The following ZNF385C variants were observed in gnomAD, a reference collection of about 807,000 sequenced individuals.
The protein encoded by ZNF385C is zinc finger protein 385C, also known as CTD-2132N18.2.
A neutral mutation model predicts 35.4 loss-of-function variants in ZNF385C; 28 were observed. The ratio of observed to expected loss-of-function variants is 0.79; its 90% CI spans 0.59 to 1.08. The LOEUF is 1.08. Ranked by LOEUF, ZNF385C falls within the 50% of genes least tolerant of loss-of-function variation. ZNF385C has a pLI of 0.00. For synonymous variants in ZNF385C, 248 were observed against 248.2 expected, an observed-to-expected ratio of 1.00 and a Z score of 0.01; for missense variants, 605 against 595.6, an observed-to-expected ratio of 1.02 and a Z score of -0.16.
In ZNF385C at chr17:42,027,858, C is replaced by T. The variant is rs116660545; in HGVS notation, c.1165-130G>A. 1.8e-3 allele frequency: 2,160 copies of T among 1,233,380 alleles called. 36 individuals are homozygous for T. In the African/African-American group the frequency reaches 0.03, roughly 17 times the overall value. The allele number at this position is 1,233,380 out of a possible 1,614,324, so 76.4% of individuals were successfully genotyped here. On this transcript the variant is annotated intron_variant, in intron 7 of 8. Coordinates refer to ENST00000692273, the MANE Select transcript of ZNF385C (RefSeq NM_001392013.1). ...AAAGCACACAGACTGGGTCCTCACC[C>T]TGGGGTAGGCCCTGGGAAGGGGAGG...
chr17:42,043,286 ACTCCT>A (rs1484704200), intron 2 of ZNF385C: 2 of 1,231,990 alleles, frequency 1.6e-6, no homozygotes, highest in Non-Finnish European at 2.0e-6. Context: ...AGCCAGGTAA[ACTCCT>A]CTTTCCAGTG....
chr17:42,058,037 A>C (rs2053407682), intron 2 of ZNF385C, among the ~76,000 whole-genome samples: 1 of 151,978 alleles, frequency 6.6e-6, no homozygotes, highest in Admixed American at 6.6e-5. Flanking sequence ...GAGGGAGACG[A>C]AGTGTGGGTT....
chr17:42,082,342 C>G (rs1264708915), intron 1 of ZNF385C, among the ~76,000 whole-genome samples: 1 of 152,232 alleles, frequency 6.6e-6, no homozygotes, highest in African/African-American at 2.4e-5. Context: ...CCGACCTCTT[C>G]CCAGAGATTC....
chr17:42,092,989 G>A (rs1176402005), intron 1 of ZNF385C, among the ~76,000 whole-genome samples: 1 of 152,224 alleles, frequency 6.6e-6, no homozygotes, highest in African/African-American at 2.4e-5. Flanking sequence ...TCTAGCCTGG[G>A]CATCTAAAGT....
chr17:42,085,484 C>A (rs2053796609), intron 1 of ZNF385C, among the ~76,000 whole-genome samples: 1 of 150,568 alleles, frequency 6.6e-6, no homozygotes, highest in Non-Finnish European at 1.5e-5. Context: ...CAGGGTTTCG[C>A]CATGTTGCCC....
At chr17:42,056,810 A>G (rs2053382985) in intron 2 of ZNF385C, among the ~76,000 whole-genome samples, 3 of 152,130 alleles carry the variant, frequency 2.0e-5, no homozygotes, top group Non-Finnish European at 2.9e-5. Flanking sequence ...CCACCATGTG[A>G]GACGTGCCTT....
At chr17:42,096,794 CGGGGGG>C (rs2053921886) in intron 1 of ZNF385C, among the ~76,000 whole-genome samples, 1 of 151,634 alleles carries the variant, frequency 6.6e-6, no homozygotes, top group Admixed American at 6.6e-5. Context: ...TGGGCGGGGG[CGGGGGG>C]ACTCTCTCCC....
chr17:42,072,034 G>A (rs1444917363), intron 1 of ZNF385C, among the ~76,000 whole-genome samples: 1 of 152,158 alleles, frequency 6.6e-6, no homozygotes, highest in Non-Finnish European at 1.5e-5. Flanking sequence ...GGAAGGGGCG[G>A]GACAGGAAGT....
intron 1 of ZNF385C, among the ~76,000 whole-genome samples, chr17:42,073,698 G>A (rs2053655662): frequency 6.6e-6 from 1 of 152,230 alleles, no homozygotes; most frequent in Admixed American, 6.5e-5. Flanking sequence ...GCAGGGGCTG[G>A]TGGCACGACC....
At chr17:42,033,768 A>AG (rs2052780560) in intron 4 of ZNF385C, among the ~76,000 whole-genome samples, 1 of 151,942 alleles carries the variant, frequency 6.6e-6, no homozygotes, top group African/African-American at 2.4e-5. Flanking sequence ...ACAAAACAAA[A>AG]CAAAAAAATC....
In ZNF385C at chr17:42,037,901, G is replaced by C. The variant is rs1477237720; in HGVS notation, c.251-16C>G. The C allele has an allele frequency of 2.6e-6, 4 of 1,537,026 alleles. No homozygotes were observed. The South Asian group carries it at 3.6e-5, about 14-fold the overall frequency. ...GCCGGGCCTGCTGCAGGAGGAAGAA[G>C]GGCAGGGTCTGAAATGGGCTCTGTC... On this transcript the variant is annotated splice_polypyrimidine_tract_variant and intron_variant, in intron 2 of 8. Transcript: ENST00000692273.
intron 2 of ZNF385C, among the ~76,000 whole-genome samples, chr17:42,055,655 G>A (rs967597547): frequency 4.6e-5 from 7 of 152,176 alleles, no homozygotes; most frequent in Non-Finnish European, 8.8e-5. Context: ...GGGAGATACC[G>A]AAGGATGGGA....
intron 2 of ZNF385C, chr17:42,042,843 C>A: frequency 8.1e-7 from 1 of 1,232,296 alleles, no homozygotes; most frequent in South Asian, 4.1e-5. Flanking sequence ...CCTGCATGTC[C>A]CTCACCCTCC....
At chr17:42,085,203 A>G (rs2053793837) in intron 1 of ZNF385C, among the ~76,000 whole-genome samples, 1 of 152,114 alleles carries the variant, frequency 6.6e-6, no homozygotes. Context: ...AAGCCAAGGC[A>G]GAAGGATTGC....
At chr17:42,049,186 G>A (rs1273766442) in intron 2 of ZNF385C, among the ~76,000 whole-genome samples, 4 of 152,098 alleles carry the variant, frequency 2.6e-5, no homozygotes, top group Non-Finnish European at 5.9e-5. Context: ...ATTCCCAGCT[G>A]CCCTCCCAAT....
intron 2 of ZNF385C, chr17:42,039,812 T>C: frequency 1.4e-5 from 17 of 1,231,196 alleles, no homozygotes; most frequent in Non-Finnish European, 1.7e-5. Flanking sequence ...ACTGCGATCT[T>C]CACCATGTGG....
At chr17:42,071,384 G>A (rs868976115) in intron 1 of ZNF385C, among the ~76,000 whole-genome samples, 6 of 152,064 alleles carry the variant, frequency 3.9e-5, no homozygotes, top group African/African-American at 1.2e-4. Flanking sequence ...GTCCCCCACC[G>A]CCTCCCCTCC....
At chr17:42,042,717 G>A (rs1378060245) in intron 2 of ZNF385C, 1 of 728,138 alleles carries the variant, frequency 1.4e-6, no homozygotes, top group Non-Finnish European at 1.9e-6. Context: ...GAAGGGTGAA[G>A]ATATGAATGA....
chr17:42,038,694 T>C (rs2052925849), intron 2 of ZNF385C: 1 of 152,262 alleles, frequency 6.6e-6, no homozygotes, highest in South Asian at 2.1e-4. Context: ...GATGTTTGTG[T>C]GGTAACACTA....
Sources: allele counts gnomAD v4.1 joint callset (sites outside exome capture counted in the v4.1 genomes callset), GRCh38; gene constraint gnomAD v4.1.1; transcripts MANE v1.5; gene names NCBI Gene and HGNC (gene_info 2026-07-23, HGNC 2026-07-21).